Variants in COL22A1 observed in about 807,000 individuals in gnomAD.
COL22A1 encodes collagen alpha-1(XXII) chain.
In COL22A1, 221 loss-of-function variants were observed where a neutral mutation model predicts 248.9. The observed-to-expected ratio is 0.89, with a 90% CI of 0.80 to 0.99. The LOEUF (loss-of-function observed/expected upper bound fraction) is 0.99. Ranked by LOEUF, COL22A1 falls within the 50% of genes least tolerant of loss-of-function variation. COL22A1 has a pLI of 0.00. For synonymous variants in COL22A1, 891 were observed against 793.4 expected (o/e 1.12, Z -2.07); for missense variants, 2,240 against 2,179.0 (o/e 1.03, Z -0.56).
At chr8:138,729,311 A>G (rs1328405279) in intron 23 of COL22A1, among the ~76,000 whole-genome samples, 1 of 152,122 alleles carries the variant, frequency 6.6e-6, no homozygotes, top group Non-Finnish European at 1.5e-5. Flanking sequence ...CTTTAACACA[A>G]TGAGATCTCC....
chr8:138,735,896 G>A (rs112497606), intron 23 of COL22A1, among the ~76,000 whole-genome samples: 214 of 152,270 alleles, frequency 1.4e-3, no homozygotes, highest in Non-Finnish European at 2.1e-3. Flanking sequence ...AACGAGGGAC[G>A]GACAGTGTGA....
At chr8:138,884,848 T>C (rs1234467719) in intron 1 of COL22A1, among the ~76,000 whole-genome samples, 1 of 152,014 alleles carries the variant, frequency 6.6e-6, no homozygotes, top group Non-Finnish European at 1.5e-5. Flanking sequence ...ATTTCCACTC[T>C]TCATCAATGA....
chr8:138,780,524 C>T (rs1406336189), intron 13 of COL22A1, among the ~76,000 whole-genome samples: 2 of 152,082 alleles, frequency 1.3e-5, no homozygotes, highest in Admixed American at 1.3e-4. Context: ...GGGTAATGAT[C>T]GGAGGAAAGC....
At chr8:138,740,300 T>A (rs1001338702) in intron 22 of COL22A1, among the ~76,000 whole-genome samples, 1 of 152,112 alleles carries the variant, frequency 6.6e-6, no homozygotes, top group Admixed American at 6.5e-5. Flanking sequence ...GATCGGAATA[T>A]CTAATGGTTG....
Position 138,755,812 on chromosome 8 carries a change from C to T in COL22A1, c.1920G>A (p.Ala640=), listed in dbSNP as rs757404674. The T allele has an allele frequency of 4.4e-5, 71 of 1,614,040 alleles. 2 individuals are homozygous for T. The highest frequency in any genetic ancestry group is 2.5e-4 in the African/African-American group (19 of 74,926). ...CTGAGCCTGGTACACCAGGTGGCCCCGCAGGTCCCACGTCACCCTGCACAG... is the reference window on the plus strand; with the variant it reads ...CTGAGCCTGGTACACCAGGTGGCCCTGCAGGTCCCACGTCACCCTGCACAG... ...PQGEKGDVGP[A]GPPGVPGSVV... The change falls in exon 19 of 65, where the codon GCG becomes GCA. Residue 640 remains alanine (A), a synonymous_variant. Transcript: ENST00000303045.
At chr8:138,750,425 C>A (rs1032292165) in intron 22 of COL22A1, among the ~76,000 whole-genome samples, 1 of 152,122 alleles carries the variant, frequency 6.6e-6, no homozygotes. Flanking sequence ...TCAGAGTCGG[C>A]GCTGAATGAG....
intron 30 of COL22A1, among the ~76,000 whole-genome samples, chr8:138,703,705 A>T (rs1318518691): frequency 6.6e-6 from 1 of 152,132 alleles, no homozygotes; most frequent in Non-Finnish European, 1.5e-5. Context: ...TACAGCTCCC[A>T]GTGTGAGTAA....
chr8:138,865,793 CTGTG>C (rs34146468), intron 3 of COL22A1, among the ~76,000 whole-genome samples: 2,945 of 115,102 alleles, frequency 0.026, 90 homozygotes, highest in African/African-American at 0.085. Flanking sequence ...GTTTGTATGC[CTGTG>C]TGTGTGTGTA....
intron 22 of COL22A1, among the ~76,000 whole-genome samples, chr8:138,741,240 A>G (rs1440480373): frequency 1.3e-5 from 2 of 152,224 alleles, no homozygotes; most frequent in African/African-American, 4.8e-5. Context: ...CTTGAGCAGA[A>G]ATGACAACAG....
At chr8:138,737,381 C>T (rs561090121) in intron 23 of COL22A1, 143 bp downstream of exon 23, 19 of 635,796 alleles carry the variant, frequency 3.0e-5, no homozygotes, top group South Asian at 1.6e-4. Flanking sequence ...AGGGAGGACA[C>T]GTGACCCACT....
chr8:138,591,937 C>T (rs1255625339), intron 63 of COL22A1, among the ~76,000 whole-genome samples: 1 of 152,182 alleles, frequency 6.6e-6, no homozygotes, highest in Admixed American at 6.5e-5. Flanking sequence ...CAGAAGTCCG[C>T]ATGCATCTCC....
Position 138,762,329 on chromosome 8 carries a change from C to T in COL22A1, c.1857+84G>A. 4 of 1,382,620 alleles carry T rather than the reference C, an allele frequency of 2.9e-6. No homozygotes were observed. In the South Asian group the frequency reaches 4.8e-5, roughly 16 times the overall value. The allele number at this position is 1,382,620 out of a possible 1,614,324, so 85.6% of individuals were successfully genotyped here. A position where few individuals can be genotyped will look rare whatever the true frequency, so the allele number is the denominator to read the frequency against. On this transcript the variant is annotated intron_variant, in intron 17 of 64. Coordinates refer to ENST00000303045, the MANE Select transcript of COL22A1 (RefSeq NM_152888.3). ...AGGAGGAGGCCCAGGTGCTGAGGCTCTGTGGAGCTTTATGTGGGGTCTGGT... is the reference window on the plus strand; with the variant it reads ...AGGAGGAGGCCCAGGTGCTGAGGCTTTGTGGAGCTTTATGTGGGGTCTGGT...
intron 9 of COL22A1, 69 bp from the exon 10 acceptor site, chr8:138,807,881 G>T: frequency 1.4e-6 from 2 of 1,461,160 alleles, no homozygotes; most frequent in Non-Finnish European, 1.9e-6. Context: ...ACACTGGATG[G>T]TAATCCACCC....
chr8:138,795,921 T>G (rs1194428916), intron 12 of COL22A1, among the ~76,000 whole-genome samples: 1 of 152,136 alleles, frequency 6.6e-6, no homozygotes, highest in Non-Finnish European at 1.5e-5. Context: ...TGCAAGGGAC[T>G]AATGTGACCC....
At position 138,616,068 on chromosome 8, in the gene COL22A1, AG is replaced by A. The variant is rs1564100532; in HGVS notation, c.3871-15del. 7 of 1,609,422 alleles carry A rather than the reference AG, an allele frequency of 4.3e-6. No homozygotes were observed. The South Asian group carries it at 7.7e-5, about 18-fold the overall frequency. On this transcript the variant is annotated splice_polypyrimidine_tract_variant and intron_variant, in intron 54 of 64. Coordinates refer to ENST00000303045, the MANE Select transcript of COL22A1 (RefSeq NM_152888.3). The stretch of plus-strand genomic sequence containing the variant: ...ACCAGACTCTCCCTAGGAACAAAAA[AG>A]CCTGCTATTAGGGAAGGAGATGCTT...
At chr8:138,780,842 C>T in intron 13 of COL22A1, 85 bp downstream of exon 13, 1 of 1,166,522 alleles carries the variant, frequency 8.6e-7, no homozygotes, top group Non-Finnish European at 1.3e-6. Flanking sequence ...GGCAATGCCA[C>T]CCCACTTAAG....
intron 63 of COL22A1, among the ~76,000 whole-genome samples, chr8:138,592,533 C>A (rs182306352): frequency 2.0e-5 from 3 of 152,094 alleles, no homozygotes; most frequent in Admixed American, 2.0e-4. Flanking sequence ...ATGAGTAGGA[C>A]TAGAATATAC....
intron 1 of COL22A1, among the ~76,000 whole-genome samples, chr8:138,907,613 A>T (rs1309082649): frequency 3.9e-5 from 6 of 152,212 alleles, no homozygotes. Flanking sequence ...GTCTTAGCCC[A>T]CTGTCTTAAG....
chr8:138,716,893 C>T (rs749283945), intron 27 of COL22A1, 24 bp from the exon 28 acceptor site: 2 of 1,573,250 alleles, frequency 1.3e-6, no homozygotes, highest in Non-Finnish European at 1.8e-6. Context: ...AAAACATACC[C>T]CATTATTCTC....
Sources: gnomAD v4.1 joint callset for allele counts (sites outside exome capture counted in the v4.1 genomes callset) on GRCh38, gnomAD v4.1.1 for gene constraint, MANE v1.5 for transcripts, NCBI Gene and HGNC (gene_info 2026-07-23, HGNC 2026-07-21) for gene names.